The following CFTR variants were observed in gnomAD, a reference collection of about 807,000 sequenced individuals.
The protein encoded by CFTR is CF transmembrane conductance regulator.
A neutral mutation model predicts 171.6 loss-of-function variants in CFTR; 181 were observed. That is an observed-to-expected ratio of 1.05 (90% CI 0.93 to 1.19). CFTR has a LOEUF of 1.19. CFTR is among the 50% of genes most tolerant of loss of function. The pLI is 0.00. For missense variants in CFTR, 1,968 were observed against 1,734.7 expected (o/e 1.13, Z -2.39); for synonymous variants, 583 against 608.0 (o/e 0.96, Z 0.60).
At chr7:117,649,197 T>C (rs1793041870) in intron 23 of CFTR, among the ~76,000 whole-genome samples, 1 of 151,614 alleles carries the variant, frequency 6.6e-6, no homozygotes, top group South Asian at 2.1e-4. Context: ...ATCAAAATTT[T>C]AATGGGTTGT....
rs1407352718 is a variant in CFTR at position 117,667,816 on chromosome 7, C to G, written c.*708C>G. On this transcript the variant is annotated 3_prime_UTR_variant, in exon 27 of 27. Coordinates refer to ENST00000003084, the MANE Select transcript of CFTR (RefSeq NM_000492.4). ...TATTTCAGATAATCACAATACATCC[C>G]TTACCTGGGAAAGGGCTGTTATAAT... The G allele has an allele frequency of 1.3e-5, 2 of 154,844 alleles. No individual in the cohort carries two copies. Among genetic ancestry groups the G allele is most frequent in the Non-Finnish European group, 2.9e-5 (2 of 69,706 alleles). The allele number at this position is 154,844 out of a possible 1,614,324, so 9.6% of individuals were successfully genotyped here. A position where few individuals can be genotyped will look rare whatever the true frequency, so the allele number is the denominator to read the frequency against.
intron 11 of CFTR, among the ~76,000 whole-genome samples, chr7:117,567,385 C>A (rs1352160598): frequency 1.3e-5 from 2 of 152,120 alleles, no homozygotes; most frequent in African/African-American, 4.8e-5. Context: ...TTCATGAAGA[C>A]CTTTCAGGAA....
At chr7:117,502,170 C>G (rs1185498213) in intron 1 of CFTR, among the ~76,000 whole-genome samples, 1 of 152,182 alleles carries the variant, frequency 6.6e-6, no homozygotes, top group Admixed American at 6.5e-5. Flanking sequence ...GCTCCTCTCC[C>G]AGCTGTCTGT....
intron 11 of CFTR, among the ~76,000 whole-genome samples, chr7:117,563,396 G>C (rs1193780904): frequency 6.6e-6 from 1 of 152,112 alleles, no homozygotes; most frequent in African/African-American, 2.4e-5. Context: ...AGAGACAAGA[G>C]TTACATAGAG....
intron 3 of CFTR, among the ~76,000 whole-genome samples, chr7:117,512,260 C>A (rs577299775): frequency 1.3e-5 from 2 of 152,264 alleles, no homozygotes; most frequent in Middle Eastern, 3.4e-3. Flanking sequence ...GACTTCTCAC[C>A]ATTAACTATG....
At position 117,594,991 on chromosome 7, in the gene CFTR, G is replaced by A. The variant is rs397508395; in HGVS notation, c.2552G>A (p.Arg851Gln). The part of the protein sequence containing the change: ...PAVTTWNTYL[R>Q]YITVHKSLIF... ...GTGACTACATGGAACACATACCTTC[G>A]ATATATTACTGTCCACAAGAGCTTA... The change falls in exon 15 of 27, where the codon CGA becomes CAA. Residue 851 changes from arginine to glutamine, a missense_variant. Arg to Gln is a conservative substitution (Grantham distance 43). Coordinates refer to ENST00000003084, the MANE Select transcript of CFTR (RefSeq NM_000492.4). 2.4e-5 allele frequency: 39 copies of A among 1,612,712 alleles called. No individual in the cohort carries two copies. In the East Asian group the frequency reaches 3.8e-4, roughly 16 times the overall value.
intron 24 of CFTR, 46 bp from the exon 25 acceptor site, chr7:117,664,642 A>C (rs1456069664): frequency 6.5e-7 from 1 of 1,548,546 alleles, no homozygotes; most frequent in Non-Finnish European, 8.9e-7. Context: ...CAACTGCTTG[A>C]GTGTTTTTAA....
intron 1 of CFTR, among the ~76,000 whole-genome samples, chr7:117,497,268 G>A (rs987197733): frequency 3.3e-5 from 5 of 152,146 alleles, no homozygotes; most frequent in Non-Finnish European, 5.9e-5. Context: ...AATAATGTAT[G>A]TGAAATATTT....
chr7:117,603,553 G>T lies in CFTR; in HGVS notation c.2679G>T (p.Gly893=), dbSNP rs397508419. The stretch of plus-strand genomic sequence containing the variant: ...ACAGCACTCCTCTTCAAGACAAAGG[G>T]AATAGTACTCATAGTAGAAATAACA... ...LLGNTPLQDK[G]NSTHSRNNSY... Residue 893 remains glycine (G), a synonymous_variant, in exon 17 of 27, where the codon GGG becomes GGT. Transcript: ENST00000003084. 3.1e-6 allele frequency: 5 copies of T among 1,613,766 alleles called. No individual in the cohort carries two copies. Among genetic ancestry groups the T allele is most frequent in the Non-Finnish European group, 4.2e-6 (5 of 1,179,892 alleles).
intron 1 of CFTR, among the ~76,000 whole-genome samples, chr7:117,496,494 G>A (rs1798243253): frequency 6.6e-6 from 1 of 152,172 alleles, no homozygotes. Flanking sequence ...GTGAGCCACA[G>A]CACCTGGCTT....
intron 9 of CFTR, 98 bp from the exon 10 acceptor site, chr7:117,548,543 A>C: frequency 6.5e-7 from 1 of 1,546,802 alleles, no homozygotes; most frequent in Non-Finnish European, 8.7e-7. Flanking sequence ...GTGCTTTTCA[A>C]ACTAATTGTA....
chr7:117,587,963 G>A (rs1386725087), intron 12 of CFTR, 130 bp downstream of exon 12: 1 of 681,890 alleles, frequency 1.5e-6, no homozygotes, highest in Non-Finnish European at 2.7e-6. Flanking sequence ...TTTATGGCTA[G>A]TGGGTTAAGA....
chr7:117,518,073 T>G (rs1202979995), intron 3 of CFTR, among the ~76,000 whole-genome samples: 1 of 151,978 alleles, frequency 6.6e-6, no homozygotes, highest in African/African-American at 2.4e-5. Context: ...GAGAATTAAA[T>G]GCATTAAGCA....
At chr7:117,511,560 A>G (rs547917571) in intron 3 of CFTR, among the ~76,000 whole-genome samples, 207 of 152,268 alleles carry the variant, frequency 1.4e-3, no homozygotes, top group African/African-American at 4.8e-3. Flanking sequence ...CTGATAACCA[A>G]TGGAATATTG....
intron 7 of CFTR, among the ~76,000 whole-genome samples, chr7:117,538,174 G>A (rs1002785308): frequency 6.6e-6 from 1 of 152,240 alleles, no homozygotes; most frequent in South Asian, 2.1e-4. Context: ...GACAGCAAGA[G>A]TTGCTCCTAC....
intron 10 of CFTR, among the ~76,000 whole-genome samples, chr7:117,550,477 ATGT>A (rs1799250225): frequency 6.6e-6 from 1 of 152,142 alleles, no homozygotes. Context: ...CTTTCTTAAA[ATGT>A]TATTATTTTT....
chr7:117,642,324 A>G, intron 22 of CFTR, 114 bp from the exon 23 acceptor site: 1 of 1,053,278 alleles, frequency 9.5e-7, no homozygotes, highest in Non-Finnish European at 1.5e-6. Flanking sequence ...AAAATCTTCC[A>G]CTGGTGACAG....
intron 2 of CFTR, 142 bp downstream of exon 2, chr7:117,504,505 A>G (rs1798384510): frequency 3.2e-6 from 2 of 619,082 alleles, no homozygotes; most frequent in African/African-American, 1.8e-5. Context: ...TGTAATCCCA[A>G]CTATTTGGGA....
chr7:117,500,238 G>C (rs1798299876), intron 1 of CFTR, among the ~76,000 whole-genome samples: 1 of 151,186 alleles, frequency 6.6e-6, no homozygotes, highest in Non-Finnish European at 1.5e-5. Context: ...CTTGAGGTAG[G>C]CATGGAGAAT....
Sources: gnomAD v4.1 joint callset for allele counts (sites outside exome capture counted in the v4.1 genomes callset) on GRCh38, gnomAD v4.1.1 for gene constraint, MANE v1.5 for transcripts, NCBI Gene and HGNC (gene_info 2026-07-23, HGNC 2026-07-21) for gene names.